The following DCDC2 variants were observed in gnomAD, a reference collection of about 807,000 sequenced individuals.
DCDC2 encodes the protein doublecortin domain containing 2.
DCDC2 carries 40 observed loss-of-function variants against 50.2 expected under a neutral mutation model. The observed-to-expected ratio is 0.80, with a 90% CI of 0.62 to 1.04. The LOEUF (loss-of-function observed/expected upper bound fraction) is 1.04. Ranked by LOEUF, DCDC2 falls within the 50% of genes least tolerant of loss-of-function variation. The pLI is 0.00. For synonymous variants in DCDC2, 234 were observed against 210.6 expected (o/e 1.11, Z -0.96); for missense variants, 570 against 581.9 (o/e 0.98, Z 0.21).
intron 7 of DCDC2, among the ~76,000 whole-genome samples, chr6:24,229,042 T>C (rs926510402): frequency 1.3e-5 from 2 of 152,242 alleles, no homozygotes; most frequent in Non-Finnish European, 2.9e-5. Flanking sequence ...TGAAAACATA[T>C]AGACAGGTCT....
At chr6:24,318,033 C>T (rs1383028826) in intron 2 of DCDC2, among the ~76,000 whole-genome samples, 2 of 151,728 alleles carry the variant, frequency 1.3e-5, no homozygotes, top group Non-Finnish European at 1.5e-5. Context: ...CAGACACTCC[C>T]ATACATTGAT....
At chr6:24,378,072 C>A in the DCDC2 span, among the ~76,000 whole-genome samples, 8 of 152,188 alleles carry the variant, frequency 5.3e-5, no homozygotes, top group African/African-American at 1.9e-4. Flanking sequence ...TAAGGTAAAT[C>A]TTTCTTCTTT....
chr6:24,299,100 A>G (rs569476969), intron 4 of DCDC2, among the ~76,000 whole-genome samples: 8 of 152,332 alleles, frequency 5.3e-5, no homozygotes, highest in African/African-American at 1.9e-4. Flanking sequence ...TGCTCCATCA[A>G]TGGTGGGCTG....
chr6:24,201,043 C>T (rs1291328041), intron 8 of DCDC2, among the ~76,000 whole-genome samples: 1 of 152,098 alleles, frequency 6.6e-6, no homozygotes, highest in East Asian at 1.9e-4. Context: ...TAGACTCCCA[C>T]ACAAAATTAG....
At chr6:24,359,221 T>TAATATATA (rs1561789256), upstream of DCDC2, among the ~76,000 whole-genome samples, 52 of 68,806 alleles carry the variant, frequency 7.6e-4, no homozygotes, top group African/African-American at 3.0e-3. Flanking sequence ...ATATTATATA[T>TAATATATA]TTTATATATT....
intron 2 of DCDC2, among the ~76,000 whole-genome samples, chr6:24,342,704 AAG>A (rs941178218): frequency 1.3e-5 from 2 of 152,086 alleles, no homozygotes; most frequent in African/African-American, 4.8e-5. Context: ...AAAAAAAAAA[AAG>A]GGTTTTCTTT....
intron 8 of DCDC2, among the ~76,000 whole-genome samples, chr6:24,193,126 T>C (rs1313510230): frequency 6.6e-6 from 1 of 152,050 alleles, no homozygotes; most frequent in African/African-American, 2.4e-5. Flanking sequence ...AAACCTAGAA[T>C]TGTATACTTC....
At chr6:24,255,382 AG>A (rs1762880320) in intron 7 of DCDC2, among the ~76,000 whole-genome samples, 1 of 150,096 alleles carries the variant, frequency 6.7e-6, no homozygotes, top group Admixed American at 6.6e-5. Context: ...AAAAAAAAAA[AG>A]GAAAACAAGC....
chr6:24,348,084 A>T (rs1760300788), intron 2 of DCDC2, among the ~76,000 whole-genome samples: 1 of 152,250 alleles, frequency 6.6e-6, no homozygotes. Flanking sequence ...GAAGTCTAAC[A>T]GGAACAAGCC....
At chr6:24,266,758 A>G (rs1254563718) in intron 7 of DCDC2, among the ~76,000 whole-genome samples, 1 of 152,202 alleles carries the variant, frequency 6.6e-6, no homozygotes, top group Non-Finnish European at 1.5e-5. Context: ...GGTTCCTCAA[A>G]AAACTAAAAA....
Position 24,309,588 on chromosome 6 carries a change from G to A in DCDC2, c.349-7544C>T, listed in dbSNP as rs1759535831. Among the ~76,000 whole-genome samples the A allele has an allele frequency of 2.6e-5, 4 of 152,188 alleles. No individual in the cohort carries two copies. The South Asian group carries it at 6.2e-4, about 24-fold the overall frequency. On this transcript the variant is annotated intron_variant, in intron 2 of 9. Transcript: ENST00000378454. ...AAGAGGCATAGCTAAAAAGCCAATA[G>A]AGAGATAAAATGAAATAATTGTTTA... is the stretch of plus-strand genomic sequence containing the variant.
chr6:24,191,015 G>A (rs75288021), intron 8 of DCDC2, among the ~76,000 whole-genome samples: 2,291 of 152,200 alleles, frequency 0.015, 55 homozygotes, highest in African/African-American at 0.052. Flanking sequence ...TACTACCAAC[G>A]GATCATGTCT....
In DCDC2 at chr6:24,212,717, AACAG is replaced by A. The variant is rs1761897316; in HGVS notation, c.923-7619_923-7616del. On this transcript the variant is annotated intron_variant, in intron 7 of 9. Coordinates refer to ENST00000378454, the MANE Select transcript of DCDC2 (RefSeq NM_016356.5). ...TCTCATCTTTTTTTCTTTGAACGTG[AACAG>A]ACATTTTAGTGTATATTACACGGTA... 2.6e-5 allele frequency among the ~76,000 whole-genome samples: 4 copies of A among 152,218 alleles called. No homozygotes were observed. In the South Asian group the frequency reaches 8.3e-4, roughly 31 times the overall value.
At chr6:24,304,975 T>C (rs1363056244) in intron 2 of DCDC2, among the ~76,000 whole-genome samples, 1 of 152,218 alleles carries the variant, frequency 6.6e-6, no homozygotes, top group Non-Finnish European at 1.5e-5. Flanking sequence ...CTGTTATCTC[T>C]TCAATATGTG....
At chr6:24,224,260 T>A (rs793842) in intron 7 of DCDC2, among the ~76,000 whole-genome samples, 5 of 152,024 alleles carry the variant, frequency 3.3e-5, no homozygotes, top group African/African-American at 9.7e-5. Context: ...GTTCATTCTC[T>A]GAGCACCAAC....
intron 7 of DCDC2, among the ~76,000 whole-genome samples, chr6:24,209,077 G>C (rs763699614): frequency 6.6e-6 from 1 of 152,134 alleles, no homozygotes; most frequent in African/African-American, 2.4e-5. Flanking sequence ...AAAAGAATCC[G>C]AATGATATAA....
At chr6:24,204,957 A>T (rs747657761) in intron 8 of DCDC2, 45 bp downstream of exon 8, 1 of 1,559,146 alleles carries the variant, frequency 6.4e-7, no homozygotes, top group Non-Finnish European at 8.7e-7. Flanking sequence ...TGGAAAAAAA[A>T]CACTATAATT....
rs536593154 is a variant in DCDC2 at position 24,317,458 on chromosome 6, A to C, written c.349-15414T>G. On this transcript the variant is annotated intron_variant, in intron 2 of 9. Coordinates refer to ENST00000378454, the MANE Select transcript of DCDC2 (RefSeq NM_016356.5). ...CCTAGGCATCTCTGGAAAAAGAGAA[A>C]ATTCGATCCATATCTTATACTATAG... 5.1e-4 allele frequency among the ~76,000 whole-genome samples: 78 copies of C among 152,188 alleles called. No homozygotes were observed. In the South Asian group the frequency reaches 0.015, roughly 28 times the overall value.
chr6:24,240,873 A>C (rs1197553494), intron 7 of DCDC2, among the ~76,000 whole-genome samples: 1 of 152,204 alleles, frequency 6.6e-6, no homozygotes, highest in Admixed American at 6.5e-5. Context: ...TGGGAAGAAA[A>C]TTGAGTATTA....
Sources: gnomAD v4.1 joint callset for allele counts (sites outside exome capture counted in the v4.1 genomes callset) on GRCh38, gnomAD v4.1.1 for gene constraint, MANE v1.5 for transcripts, NCBI Gene and HGNC (gene_info 2026-07-23, HGNC 2026-07-21) for gene names.